Variants in MAT1A observed in about 807,000 individuals in gnomAD.
The protein encoded by MAT1A is S-adenosylmethionine synthase isoform type-1.
Under a neutral mutation model 44.0 loss-of-function variants are expected in MAT1A, and 19 were observed. The observed-to-expected ratio is 0.43, with a 90% confidence interval of 0.30 to 0.63. The LOEUF is 0.63. MAT1A is among the 30% of genes least tolerant of loss of function. The pLI, the probability that MAT1A is intolerant of heterozygous loss-of-function variation, is 0.12. For synonymous variants in MAT1A, 205 were observed against 205.6 expected, an observed-to-expected ratio of 1.00 and a Z score of 0.03; for missense variants, 397 against 531.0, an observed-to-expected ratio of 0.75 and a Z score of 2.48.
chr10:80,273,850 C>G lies in MAT1A; in HGVS notation c.1119G>C (p.Lys373Asn). ...DLDLKKPIYQ[K>N]TACYGHFGRS... ...TTCCGAAATGGCCGTAGCATGCTGTCTTCTGGTAGATGGGCTTCTTCAAGT... is the reference window on the plus strand; with the variant it reads ...TTCCGAAATGGCCGTAGCATGCTGTGTTCTGGTAGATGGGCTTCTTCAAGT... Residue 373 changes from lysine to asparagine, a missense_variant, in exon 9 of 9, where the codon AAG (lysine) becomes AAC (asparagine). Lys to Asn is a moderately conservative substitution (Grantham distance 94, BLOSUM62 0). Transcript: ENST00000372213. 1 of 1,613,660 alleles carries G rather than the reference C, an allele frequency of 6.2e-7. No homozygotes were observed. The highest frequency in any genetic ancestry group is 8.5e-7 in the Non-Finnish European group (1 of 1,179,584).
chr10:80,273,868 C>T lies in MAT1A; in HGVS notation c.1101G>A (p.Lys367=). The T allele has an allele frequency of 6.2e-7, 1 of 1,611,122 alleles. No individual in the cohort carries two copies. Among genetic ancestry groups the T allele is most frequent in the Non-Finnish European group, 8.5e-7 (1 of 1,177,350 alleles). The part of the protein sequence containing the change: ...PGVIVRDLDL[K]KPIYQKTACY... Reference sequence around the variant, plus strand: ...ATGCTGTCTTCTGGTAGATGGGCTTCTTCAAGTCCAAATCCCTGCATGTCC... The same window carrying T: ...ATGCTGTCTTCTGGTAGATGGGCTTTTTCAAGTCCAAATCCCTGCATGTCC... Residue 367 remains lysine, a synonymous_variant, in exon 9 of 9, where the codon AAG becomes AAA. Transcript: ENST00000372213.
intron 1 of MAT1A, among the ~76,000 whole-genome samples, chr10:80,286,485 T>G (rs1052400473): frequency 1.3e-5 from 2 of 152,196 alleles, no homozygotes; most frequent in Non-Finnish European, 2.9e-5. Flanking sequence ...ATCTCCCACA[T>G]GGTCACTCAG....
intron 1 of MAT1A, among the ~76,000 whole-genome samples, chr10:80,288,134 T>C (rs142021562): frequency 6.6e-6 from 1 of 152,266 alleles, no homozygotes; most frequent in East Asian, 1.9e-4. Context: ...GTAGGAAAGA[T>C]AAATATCTTT....
chr10:80,275,338 C>A, intron 6 of MAT1A, 139 bp from the exon 7 acceptor site: 1 of 776,762 alleles, frequency 1.3e-6, no homozygotes, highest in Non-Finnish European at 2.2e-6. Context: ...CCTAAGACCC[C>A]TTAGCCCAGA....
intron 5 of MAT1A, among the ~76,000 whole-genome samples, chr10:80,277,248 G>T (rs7068855): frequency 6.6e-6 from 1 of 152,168 alleles, no homozygotes; most frequent in Non-Finnish European, 1.5e-5. Context: ...GGCCCTGGGA[G>T]GGACACTGGC....
intron 5 of MAT1A, 39 bp from the exon 6 acceptor site, chr10:80,276,633 A>G: frequency 6.3e-7 from 1 of 1,595,632 alleles, no homozygotes; most frequent in Non-Finnish European, 8.5e-7. Context: ...TGTGAGGCTG[A>G]GGCTGAGCGA....
Position 80,289,496 on chromosome 10 carries a change from TTCTTC to T in MAT1A, c.-78_-74del. On this transcript the variant is annotated 5_prime_UTR_variant, in exon 1 of 9. Transcript: ENST00000372213. The stretch of plus-strand genomic sequence containing the variant: ...GCTGTGACTTTGCCTGAGTTTTTTT[TTCTTC>T]TTCTTCTTCTTCTTTCAACCCAACA... The T allele has an allele frequency of 3.8e-6, 3 of 790,724 alleles. No homozygotes were observed. The highest frequency in any genetic ancestry group is 5.8e-6 in the Non-Finnish European group (3 of 518,666). The allele number at this position is 790,724 out of a possible 1,614,324, so 49.0% of individuals were successfully genotyped here. A position where few individuals can be genotyped will look rare whatever the true frequency, so the allele number is the denominator to read the frequency against.
chr10:80,282,387 A>C (rs183120200), intron 3 of MAT1A, among the ~76,000 whole-genome samples: 1 of 152,324 alleles, frequency 6.6e-6, no homozygotes. Context: ...AAGCTTGGGC[A>C]CAGGGAACCT....
rs747040359 is a variant in MAT1A, at chr10:80,273,787, T to C, written c.1182A>G (p.Val394=). 1 of 1,611,432 alleles carries C rather than the reference T, an allele frequency of 6.2e-7. No individual in the cohort carries two copies. The highest frequency in any genetic ancestry group is 1.7e-5 in the Admixed American group (1 of 60,020). The change falls in exon 9 of 9, where the codon GTA becomes GTG. Residue 394 remains valine (V), a synonymous_variant. Transcript: ENST00000372213. ...GGCCCAGCTCCCCCTGGCTCTAAAA[T>C]ACAAGCTTCCTGGGAACCTCCCATG... ...EFPWEVPRKL[V]F
rs781697207 is a variant in MAT1A, at chr10:80,274,588, C to T, written c.1017G>A (p.Gln339=). 8.7e-6 allele frequency: 14 copies of T among 1,614,228 alleles called. No homozygotes were observed. The highest frequency in any genetic ancestry group is 3.3e-5 in the Admixed American group (2 of 60,030). Residue 339 remains glutamine (Q), a synonymous_variant, in exon 8 of 9, where the codon CAG becomes CAA. Coordinates refer to ENST00000372213, the MANE Select transcript of MAT1A (RefSeq NM_000429.3). The stretch of plus-strand genomic sequence containing the variant: ...CATCCAGCAGCTCTCGCTCTGTCTT[C>T]TGAGAGGTTCCGTAGGTGAAGATGG... The part of the protein sequence containing the change: ...SISIFTYGTS[Q]KTERELLDVV...
chr10:80,280,183 G>C lies in MAT1A; in HGVS notation c.539C>G (p.Ser180Cys), dbSNP rs1841544662. 6.2e-7 allele frequency: 1 copy of C among 1,614,084 alleles called. No homozygotes were observed. Among genetic ancestry groups the C allele is most frequent in the Admixed American group, 1.7e-5 (1 of 60,010 alleles). Reference protein sequence around the residue: ...SGLLPWLRPDSKTQVTVQYMQ... With the variant: ...SGLLPWLRPDCKTQVTVQYMQ... ...AATTCAGCTGCTCACCTGAGTCTTA[G>C]AGTCAGGCCGCAGCCAGGGGAGGAG... The change falls in exon 5 of 9, where the codon TCT becomes TGT. Residue 180 changes from serine (S) to cysteine (C), a missense_variant. Transcript: ENST00000372213.
rs1407439663 is a variant in MAT1A, at chr10:80,275,206, A to T, written c.769-7T>A. On this transcript the variant is annotated splice_polypyrimidine_tract_variant and splice_region_variant and intron_variant, in intron 6 of 8. Coordinates refer to ENST00000372213, the MANE Select transcript of MAT1A (RefSeq NM_000429.3). ...CAGTGACACCCGCATCCCCCTGCAG[A>T]GGGAGAGAAATCAAGATAAGAAGCA... The T allele has an allele frequency of 6.2e-7, 1 of 1,610,476 alleles. No individual in the cohort carries two copies. Among genetic ancestry groups the T allele is most frequent in the Admixed American group, 1.7e-5 (1 of 59,890 alleles).
chr10:80,285,658 ATTAGAT>A (rs1011416496), intron 1 of MAT1A, 69 bp from the exon 2 acceptor site: 4 of 1,055,252 alleles, frequency 3.8e-6, no homozygotes, highest in Non-Finnish European at 3.0e-6. Context: ...TCTTAAAATA[ATTAGAT>A]ATCGACTTTT....
chr10:80,285,617 T>C (rs1841639802), intron 1 of MAT1A, 28 bp from the exon 2 acceptor site: 1 of 1,446,488 alleles, frequency 6.9e-7, no homozygotes, highest in Admixed American at 1.7e-5. Flanking sequence ...TGGGTCAGAA[T>C]CACAAAAATA....
At position 80,272,149 on chromosome 10, in the gene MAT1A, G is replaced by C. The variant is rs978158069; in HGVS notation, c.*1632C>G. ...GCCAAGGCCCAGATGCTGGCTGCCT[G>C]CTCCCCAGATGAGACTTCCTGGGCT... is the stretch of plus-strand genomic sequence containing the variant. On this transcript the variant is annotated 3_prime_UTR_variant, in exon 9 of 9. Transcript: ENST00000372213. 2 of 149,714 alleles carry C rather than the reference G, an allele frequency of 1.3e-5. No homozygotes were observed. The highest frequency in any genetic ancestry group is 2.2e-4 in the South Asian group (1 of 4,620). 9.3% of individuals were successfully genotyped at this position (149,714 alleles called of 1,614,324 possible).
At chr10:80,282,463 T>G (rs1325061515) in intron 3 of MAT1A, among the ~76,000 whole-genome samples, 2 of 152,236 alleles carry the variant, frequency 1.3e-5, no homozygotes, top group Non-Finnish European at 2.9e-5. Flanking sequence ...TAGGGAACAT[T>G]GCCTCCTGGA....
chr10:80,278,323 A>T (rs1841517737), intron 5 of MAT1A, among the ~76,000 whole-genome samples: 1 of 151,886 alleles, frequency 6.6e-6, no homozygotes, highest in South Asian at 2.1e-4. Flanking sequence ...AGCACAATGA[A>T]CCTGTTTCAG....
At chr10:80,287,944 A>G (rs1031943454) in intron 1 of MAT1A, among the ~76,000 whole-genome samples, 1 of 152,156 alleles carries the variant, frequency 6.6e-6, no homozygotes, top group Non-Finnish European at 1.5e-5. Flanking sequence ...CCTGACCTCT[A>G]CTCAATACAT....
Position 80,285,440 on chromosome 10 carries a change from C to G in MAT1A, c.169+72G>C, listed in dbSNP as rs1239455687. 2.0e-5 allele frequency: 26 copies of G among 1,289,438 alleles called. No individual in the cohort carries two copies. The East Asian group carries it at 5.6e-4, about 28-fold the overall frequency. The allele number at this position is 1,289,438 out of a possible 1,614,324, so 79.9% of individuals were successfully genotyped here. A position where few individuals can be genotyped will look rare whatever the true frequency, so the allele number is the denominator to read the frequency against. On this transcript the variant is annotated intron_variant, in intron 2 of 8. Transcript: ENST00000372213. Reference sequence around the variant, plus strand: ...GAACTGAGGAGTATGGCTCGTTTGTCTTATACCCATGATTAATTTCTCAGT... The same window carrying G: ...GAACTGAGGAGTATGGCTCGTTTGTGTTATACCCATGATTAATTTCTCAGT...
Sources: gnomAD v4.1 joint callset for allele counts (sites outside exome capture counted in the v4.1 genomes callset) on GRCh38, gnomAD v4.1.1 for gene constraint, MANE v1.5 for transcripts, NCBI Gene and HGNC (gene_info 2026-07-23, HGNC 2026-07-21) for gene names.